Variants in ASIC2 observed in about 807,000 individuals in gnomAD.
The protein encoded by ASIC2 is acid sensing ion channel subunit 2.
In ASIC2, 25 loss-of-function variants were observed where a neutral mutation model predicts 57.3. The ratio of observed to expected loss-of-function variants is 0.44; its 90% CI spans 0.32 to 0.61. The LOEUF (loss-of-function observed/expected upper bound fraction) is 0.61. Among genes scored for constraint, ASIC2 ranks in the 20% least tolerant of loss-of-function variants. ASIC2 has a pLI of 0.06. For missense variants in ASIC2, 641 were observed against 738.1 expected, an observed-to-expected ratio of 0.87 and a Z score of 1.52; for synonymous variants, 319 against 307.5, an observed-to-expected ratio of 1.04 and a Z score of -0.39.
intron 1 of ASIC2, among the ~76,000 whole-genome samples, chr17:34,021,068 G>T (rs1473205074): frequency 6.6e-6 from 1 of 151,850 alleles, no homozygotes; most frequent in Non-Finnish European, 1.5e-5. Flanking sequence ...AGAATGATAC[G>T]GTGGACTCTG....
At chr17:33,966,805 G>A (rs1021159647) in intron 1 of ASIC2, among the ~76,000 whole-genome samples, 1 of 152,172 alleles carries the variant, frequency 6.6e-6, no homozygotes, top group African/African-American at 2.4e-5. Context: ...TTGATTTCCG[G>A]CTCTGTTTTA....
intron 1 of ASIC2, among the ~76,000 whole-genome samples, chr17:33,394,719 C>T (rs1226445169): frequency 2.6e-5 from 4 of 152,176 alleles, no homozygotes; most frequent in Admixed American, 6.5e-5. Context: ...TCCTAACTTG[C>T]TTCACCTTAG....
At chr17:33,945,652 G>A (rs534327903) in intron 1 of ASIC2, among the ~76,000 whole-genome samples, 1 of 152,188 alleles carries the variant, frequency 6.6e-6, no homozygotes, top group South Asian at 2.1e-4. Flanking sequence ...TGTGTCAGGG[G>A]ACACCATGGT....
At chr17:33,333,879 T>C (rs772218370) in intron 1 of ASIC2, among the ~76,000 whole-genome samples, 5 of 152,166 alleles carry the variant, frequency 3.3e-5, no homozygotes, top group Non-Finnish European at 7.4e-5. Flanking sequence ...TTCTGACAAT[T>C]TGGAAAGTCT....
chr17:33,317,552 T>C lies in ASIC2; in HGVS notation c.556-205485A>G, dbSNP rs372288844. 1.0e-3 allele frequency among the ~76,000 whole-genome samples: 154 copies of C among 152,332 alleles called. 1 individual carries two copies. Among genetic ancestry groups the C allele is most frequent in the African/African-American group, 3.7e-3 (152 of 41,570 alleles). ...AATTCCTTCTCCTTTTTACAATTCC[T>C]TTCCACCCAAATGACTTTCAGCTTA... On this transcript the variant is annotated intron_variant, in intron 1 of 9. Transcript: ENST00000359872.
At chr17:33,967,108 G>T (rs1196034750) in intron 1 of ASIC2, among the ~76,000 whole-genome samples, 1 of 151,984 alleles carries the variant, frequency 6.6e-6, no homozygotes, top group Non-Finnish European at 1.5e-5. Flanking sequence ...GACCCAGGAA[G>T]GATTTCTTTG....
intron 1 of ASIC2, among the ~76,000 whole-genome samples, chr17:33,398,865 A>G (rs1245452968): frequency 6.6e-6 from 1 of 152,188 alleles, no homozygotes; most frequent in Non-Finnish European, 1.5e-5. Context: ...TGTCCAGAAG[A>G]AGCTACCATT....
intron 1 of ASIC2, 43 bp from the exon 2 acceptor site, chr17:33,112,110 C>T: frequency 6.4e-7 from 1 of 1,567,456 alleles, no homozygotes; most frequent in Non-Finnish European, 8.7e-7. Flanking sequence ...ACATGGGTAA[C>T]TTCAGACGGG....
intron 1 of ASIC2, among the ~76,000 whole-genome samples, chr17:33,900,607 G>A (rs1232726738): frequency 4.3e-5 from 3 of 69,336 alleles, no homozygotes; most frequent in African/African-American, 1.2e-4. Flanking sequence ...CTAGTGATAA[G>A]TACTTAACCT....
At chr17:33,912,849 C>A (rs1204762448) in intron 1 of ASIC2, among the ~76,000 whole-genome samples, 1 of 151,842 alleles carries the variant, frequency 6.6e-6, no homozygotes, top group Non-Finnish European at 1.5e-5. Flanking sequence ...CGTGGTGGTG[C>A]ATGCCTATAA....
At chr17:34,138,655 G>A (rs1277698755) in intron 1 of ASIC2, among the ~76,000 whole-genome samples, 1 of 152,176 alleles carries the variant, frequency 6.6e-6, no homozygotes, top group Non-Finnish European at 1.5e-5. Flanking sequence ...CTGGACTAGT[G>A]AGAGAACCAC....
At chr17:33,545,191 T>A (rs945082772) in intron 1 of ASIC2, among the ~76,000 whole-genome samples, 4 of 152,206 alleles carry the variant, frequency 2.6e-5, no homozygotes, top group African/African-American at 7.2e-5. Flanking sequence ...ATTTCATTAA[T>A]CCTTTTTTAA....
intron 1 of ASIC2, among the ~76,000 whole-genome samples, chr17:34,025,810 T>A (rs146502423): frequency 1.3e-5 from 2 of 152,310 alleles, no homozygotes; most frequent in East Asian, 3.9e-4. Flanking sequence ...GCATCATGCA[T>A]GTCAATAAAA....
At chr17:33,846,444 G>C (rs148451739) in intron 1 of ASIC2, among the ~76,000 whole-genome samples, 81 of 152,242 alleles carry the variant, frequency 5.3e-4, no homozygotes, top group African/African-American at 1.9e-3. Context: ...TGATTGCCAA[G>C]CCCTTCATAA....
chr17:33,264,867 T>C (rs1443983095), intron 1 of ASIC2, among the ~76,000 whole-genome samples: 1 of 152,230 alleles, frequency 6.6e-6, no homozygotes, highest in Non-Finnish European at 1.5e-5. Context: ...GGAAAAAGTA[T>C]GAACTGAATC....
chr17:33,619,677 G>A (rs753687465), intron 1 of ASIC2, among the ~76,000 whole-genome samples: 11 of 152,142 alleles, frequency 7.2e-5, no homozygotes, highest in Admixed American at 2.6e-4. Context: ...ATCTCTTGCC[G>A]CACAGAGCGT....
At chr17:33,729,406 C>T (rs111362219) in intron 1 of ASIC2, among the ~76,000 whole-genome samples, 3 of 152,290 alleles carry the variant, frequency 2.0e-5, no homozygotes, top group African/African-American at 7.2e-5. Context: ...CACCAGAACC[C>T]ACCTCCAACA....
chr17:34,075,533 G>A (rs1384543475), intron 1 of ASIC2, among the ~76,000 whole-genome samples: 1 of 152,116 alleles, frequency 6.6e-6, no homozygotes, highest in East Asian at 1.9e-4. Flanking sequence ...CTAGTTAATT[G>A]GAGGAAGGGA....
chr17:33,145,007 A>C (rs530439527), intron 1 of ASIC2, among the ~76,000 whole-genome samples: 1 of 152,322 alleles, frequency 6.6e-6, no homozygotes, highest in African/African-American at 2.4e-5. Context: ...AGCAGGTGCC[A>C]CGTGAGTGCT....
Sources: gnomAD v4.1 joint callset for allele counts (sites outside exome capture counted in the v4.1 genomes callset) on GRCh38, gnomAD v4.1.1 for gene constraint, MANE v1.5 for transcripts, NCBI Gene and HGNC (gene_info 2026-07-23, HGNC 2026-07-21) for gene names.